RRP12: variants seen among roughly 807,000 people sequenced by gnomAD.
RRP12 encodes RRP12-like protein.
In RRP12, 78 loss-of-function variants were observed where a neutral mutation model predicts 157.3. That is an observed-to-expected ratio of 0.50 (90% CI 0.41 to 0.60). The LOEUF is 0.60. RRP12 is among the 20% of genes least tolerant of loss of function. RRP12 has a pLI of 0.00. For synonymous variants in RRP12, 726 were observed against 670.9 expected (o/e 1.08, Z -1.27); for missense variants, 1,521 against 1,679.9 (o/e 0.91, Z 1.65).
At chr10:97,364,987 A>G (rs1169311217) in intron 29 of RRP12, among the ~76,000 whole-genome samples, 2 of 152,178 alleles carry the variant, frequency 1.3e-5, no homozygotes, top group Non-Finnish European at 2.9e-5. Context: ...ACACGGAAAT[A>G]TAACAGGCAC....
rs1187263173 is a variant in RRP12 at position 97,356,853 on chromosome 10, A to C, written c.*241T>G. 4.6e-6 allele frequency: 2 copies of C among 438,798 alleles called. No individual in the cohort carries two copies. Among genetic ancestry groups the C allele is most frequent in the African/African-American group, 2.0e-5 (1 of 48,916 alleles). 27.2% of individuals were successfully genotyped at this position (438,798 alleles called of 1,614,324 possible). A position where few individuals can be genotyped will look rare whatever the true frequency, so the allele number is the denominator to read the frequency against. Reference sequence around the variant, plus strand: ...TCTGGGCAGAAAGCAAAGGTGCCTCATGGCACCTACTCAGAGGCACTGAGG... The same window carrying C: ...TCTGGGCAGAAAGCAAAGGTGCCTCCTGGCACCTACTCAGAGGCACTGAGG... On this transcript the variant is annotated 3_prime_UTR_variant, in exon 34 of 34. Coordinates refer to ENST00000370992, the MANE Select transcript of RRP12 (RefSeq NM_015179.4).
chr10:97,379,267 C>T, intron 15 of RRP12, 26 bp downstream of exon 15: 1 of 1,612,390 alleles, frequency 6.2e-7, no homozygotes, highest in Non-Finnish European at 8.5e-7. Context: ...AGCCTCAGGT[C>T]ACACACAGGC....
At position 97,373,898 on chromosome 10, in the gene RRP12, C is replaced by T. The variant is rs1320117162; in HGVS notation, c.1799-4G>A. 2 of 1,612,474 alleles carry T rather than the reference C, an allele frequency of 1.2e-6. No individual in the cohort carries two copies. The highest frequency in any genetic ancestry group is 1.7e-6 in the Non-Finnish European group (2 of 1,179,618). ...CCTGCCTGAGCCAGGTCCATGGCTG[C>T]AGTGTGACAGAGGGACAGAGTGTGA... On this transcript the variant is annotated splice_region_variant and splice_polypyrimidine_tract_variant and intron_variant, in intron 15 of 33. Coordinates refer to ENST00000370992, the MANE Select transcript of RRP12 (RefSeq NM_015179.4).
rs915829006 is a variant in RRP12 at position 97,366,818 on chromosome 10, C to T, written c.3139G>A (p.Ala1047Thr). The T allele has an allele frequency of 6.2e-7, 1 of 1,614,110 alleles. No homozygotes were observed. Among genetic ancestry groups the T allele is most frequent in the Non-Finnish European group, 8.5e-7 (1 of 1,180,054 alleles). ...KAEARAKRHR[A>T]LSQAAVEEEE... Reference sequence around the variant, plus strand: ...TCCTCCACGGCAGCCTGGCTCAGGGCTCGGTGCCTCTTGGCCCGGGCCTCA... The same window carrying T: ...TCCTCCACGGCAGCCTGGCTCAGGGTTCGGTGCCTCTTGGCCCGGGCCTCA... The change falls in exon 27 of 34, where the codon GCC becomes ACC. Residue 1047 changes from alanine to threonine, a missense_variant. Coordinates refer to ENST00000370992, the MANE Select transcript of RRP12 (RefSeq NM_015179.4).
chr10:97,380,363 G>A (rs1844432417), intron 13 of RRP12, among the ~76,000 whole-genome samples: 1 of 152,170 alleles, frequency 6.6e-6, no homozygotes, highest in African/African-American at 2.4e-5. Context: ...ACTCTCTCCT[G>A]GACTACGGTC....
intron 31 of RRP12, among the ~76,000 whole-genome samples, chr10:97,359,754 A>T (rs531073354): frequency 3.5e-4 from 54 of 152,318 alleles, no homozygotes; most frequent in African/African-American, 1.3e-3. Context: ...AGCAGCCCTG[A>T]CCCCAGGTCT....
In RRP12 at chr10:97,372,063, C is replaced by A; in HGVS notation, c.2343+10G>T. The stretch of plus-strand genomic sequence containing the variant: ...GTGGCTGTGTGGCGCTCCTGGCCCC[C>A]GAGGCTCACCTCTAGGTAGGGCCGG... On this transcript the variant is annotated intron_variant, in intron 20 of 33. Transcript: ENST00000370992. The A allele has an allele frequency of 6.2e-7, 1 of 1,604,906 alleles. No homozygotes were observed. The highest frequency in any genetic ancestry group is 8.5e-7 in the Non-Finnish European group (1 of 1,173,676).
At chr10:97,364,299 C>T (rs1215723162) in intron 29 of RRP12, among the ~76,000 whole-genome samples, 12 of 152,180 alleles carry the variant, frequency 7.9e-5, no homozygotes, top group Non-Finnish European at 2.9e-5. Flanking sequence ...GCTTCATTCT[C>T]CTGTTTGAAA....
At chr10:97,369,704 G>T in intron 24 of RRP12, 122 bp from the exon 25 acceptor site, 1 of 1,051,496 alleles carries the variant, frequency 9.5e-7, no homozygotes, top group Non-Finnish European at 1.4e-6. Flanking sequence ...CTTTCCGTAT[G>T]CCCGGGATGG....
intron 13 of RRP12, among the ~76,000 whole-genome samples, chr10:97,380,181 G>A (rs1030624224): frequency 6.6e-6 from 1 of 152,300 alleles, no homozygotes; most frequent in Non-Finnish European, 1.5e-5. Flanking sequence ...AGCCAAACTG[G>A]TCAACCTAAT....
At chr10:97,361,138 C>A (rs1036479736) in intron 30 of RRP12, among the ~76,000 whole-genome samples, 5 of 152,188 alleles carry the variant, frequency 3.3e-5, no homozygotes, top group East Asian at 3.9e-4. Flanking sequence ...GGGTGGGAGA[C>A]CCCTGCTCAA....
Position 97,385,195 on chromosome 10 carries a change from G to A in RRP12, c.1179C>T (p.Val393=). Residue 393 remains valine, a synonymous_variant, in exon 10 of 34, where the codon GTC becomes GTT. Transcript: ENST00000370992. Reference sequence around the variant, plus strand: ...CCAGGTTGATGTGGGCTTTCTCCATGACCTTAAGCCAGGCTAGCAGGGGTT... The same window carrying A: ...CCAGGTTGATGTGGGCTTTCTCCATAACCTTAAGCCAGGCTAGCAGGGGTT... ...DLQPLLAWLK[V]MEKAHINLVR... is the part of the protein sequence containing the mutation. The A allele has an allele frequency of 1.2e-6, 2 of 1,614,020 alleles. No homozygotes were observed. The highest frequency in any genetic ancestry group is 1.7e-6 in the Non-Finnish European group (2 of 1,179,906).
intron 29 of RRP12, among the ~76,000 whole-genome samples, chr10:97,364,143 C>T (rs1253966564): frequency 6.6e-6 from 1 of 152,166 alleles, no homozygotes; most frequent in African/African-American, 2.4e-5. Context: ...GGTGATCCTA[C>T]TTTTGAGGTG....
intron 25 of RRP12, among the ~76,000 whole-genome samples, chr10:97,368,776 T>C (rs1005221894): frequency 3.9e-5 from 6 of 152,220 alleles, no homozygotes; most frequent in African/African-American, 1.4e-4. Context: ...CTGATTCTCA[T>C]CTGTCCCTTC....
chr10:97,374,653 T>C (rs1844254056), intron 15 of RRP12, among the ~76,000 whole-genome samples: 1 of 151,248 alleles, frequency 6.6e-6, no homozygotes, highest in Non-Finnish European at 1.5e-5. Context: ...GCACCTGTAG[T>C]CCCAGCTACT....
At chr10:97,385,557 C>T in intron 9 of RRP12, among the ~76,000 whole-genome samples, 1 of 151,760 alleles carries the variant, frequency 6.6e-6, no homozygotes, top group Admixed American at 6.6e-5. Context: ...ATTTTGCTAA[C>T]AATTTGGGGG....
At chr10:97,369,194 C>A (rs2133044143) in intron 25 of RRP12, among the ~76,000 whole-genome samples, 1 of 152,334 alleles carries the variant, frequency 6.6e-6, no homozygotes, top group South Asian at 2.1e-4. Flanking sequence ...CCCTGAAGAG[C>A]CCCTGTTGCT....
intron 8 of RRP12, among the ~76,000 whole-genome samples, chr10:97,387,551 C>G (rs1844669575): frequency 6.6e-6 from 1 of 151,524 alleles, no homozygotes; most frequent in Non-Finnish European, 1.5e-5. Context: ...GGGAACCACA[C>G]ATACAAAGAG....
chr10:97,368,823 G>A (rs1321457284), intron 25 of RRP12, among the ~76,000 whole-genome samples: 4 of 152,202 alleles, frequency 2.6e-5, no homozygotes, highest in Non-Finnish European at 4.4e-5. Context: ...AAGAAAATAT[G>A]CAAGAGGGAC....
Sources: allele counts gnomAD v4.1 joint callset (sites outside exome capture counted in the v4.1 genomes callset), GRCh38; gene constraint gnomAD v4.1.1; transcripts MANE v1.5; gene names NCBI Gene and HGNC (gene_info 2026-07-23, HGNC 2026-07-21).